The following CDH17 variants were observed in gnomAD, a reference collection of about 807,000 sequenced individuals.
CDH17 encodes the protein cadherin-17.
A neutral mutation model predicts 86.3 loss-of-function variants in CDH17; 67 were observed. That is an observed-to-expected ratio of 0.78 (90% confidence interval 0.64 to 0.95). The LOEUF is 0.95. Among genes scored for constraint, CDH17 ranks in the 40% least tolerant of loss-of-function variants. The pLI is 0.00. For synonymous variants in CDH17, 367 were observed against 366.4 expected (o/e 1.00, Z -0.02); for missense variants, 993 against 1,017.6 (o/e 0.98, Z 0.33).
intron 1 of CDH17, among the ~76,000 whole-genome samples, chr8:94,201,151 C>T (rs557670845): frequency 6.6e-6 from 1 of 152,128 alleles, no homozygotes; most frequent in Non-Finnish European, 1.5e-5. Flanking sequence ...ACATGACCTG[C>T]CCCGACCTGC....
intron 15 of CDH17, among the ~76,000 whole-genome samples, chr8:94,132,813 G>A (rs187809439): frequency 1.4e-4 from 22 of 152,314 alleles, no homozygotes; most frequent in African/African-American, 5.1e-4. Context: ...TAACATTTAA[G>A]TCTTTAATCC....
At chr8:94,169,732 G>A (rs1046066689) in intron 9 of CDH17, among the ~76,000 whole-genome samples, 3 of 152,160 alleles carry the variant, frequency 2.0e-5, no homozygotes, top group Non-Finnish European at 4.4e-5. Context: ...CAAACCCAGA[G>A]AAGCCATAAA....
intron 3 of CDH17, among the ~76,000 whole-genome samples, chr8:94,184,206 A>AGT (rs60426952): frequency 0.2 from 29,732 of 151,376 alleles, 5,949 homozygotes; most frequent in African/African-American, 0.52. Context: ...CCTGCTACTG[A>AGT]GTGTGTGTGT....
chr8:94,159,915 T>G (rs1029592210), intron 12 of CDH17, 56 bp downstream of exon 12: 8 of 1,383,836 alleles, frequency 5.8e-6, no homozygotes, highest in Middle Eastern at 2.1e-4. Flanking sequence ...CACACTGTCA[T>G]TAGTAAATTA....
intron 2 of CDH17, among the ~76,000 whole-genome samples, chr8:94,190,048 G>C (rs1813657402): frequency 6.6e-6 from 1 of 152,354 alleles, no homozygotes; most frequent in Admixed American, 6.5e-5. Flanking sequence ...ATGTGGCTGG[G>C]ATGGTAAGAA....
chr8:94,131,997 G>T (rs1312434460), intron 15 of CDH17, among the ~76,000 whole-genome samples: 2 of 152,142 alleles, frequency 1.3e-5, no homozygotes, highest in Non-Finnish European at 2.9e-5. Context: ...TCCCTGCAAA[G>T]GACATGGACT....
chr8:94,215,645 A>T (rs896726307), intron 1 of CDH17, among the ~76,000 whole-genome samples: 1 of 152,226 alleles, frequency 6.6e-6, no homozygotes, highest in Non-Finnish European at 1.5e-5. Flanking sequence ...GCTGTATGAT[A>T]TGTCAATTAT....
chr8:94,192,360 G>A (rs1813704928), intron 2 of CDH17, among the ~76,000 whole-genome samples: 1 of 152,222 alleles, frequency 6.6e-6, no homozygotes, highest in African/African-American at 2.4e-5. Context: ...CTTGCACAAA[G>A]AGGTGAAAGG....
chr8:94,174,035 T>C (rs1813321286), intron 6 of CDH17, 39 bp from the exon 7 acceptor site: 2 of 1,609,842 alleles, frequency 1.2e-6, no homozygotes, highest in Admixed American at 1.7e-5. Flanking sequence ...GAAGTGTCTC[T>C]GGAAGAGACA....
chr8:94,198,298 T>C (rs1460962244), intron 1 of CDH17, among the ~76,000 whole-genome samples: 1 of 152,188 alleles, frequency 6.6e-6, no homozygotes, highest in Non-Finnish European at 1.5e-5. Context: ...TGCAACATAA[T>C]TAATTTGGTT....
At chr8:94,209,514 C>G (rs754720185), upstream of CDH17, among the ~76,000 whole-genome samples, 6 of 152,136 alleles carry the variant, frequency 3.9e-5, no homozygotes, top group Non-Finnish European at 8.8e-5. Flanking sequence ...TCCCTCCTTT[C>G]CAGATTTCAT....
chr8:94,175,247 A>C (rs1340300946), intron 5 of CDH17, among the ~76,000 whole-genome samples: 1 of 152,214 alleles, frequency 6.6e-6, no homozygotes, highest in Admixed American at 6.5e-5. Flanking sequence ...TCCTGAAACC[A>C]AAAAGTTTGA....
Position 94,165,024 on chromosome 8 carries a change from C to T in CDH17, c.1282+737G>A, listed in dbSNP as rs1392857518. 2.0e-5 allele frequency among the ~76,000 whole-genome samples: 3 copies of T among 152,266 alleles called. 1 individual carries two copies. The highest frequency in any genetic ancestry group is 4.1e-4 in the South Asian group (2 of 4,826). ...GCTGTTAGGGTAAGATAGAACTTTC[C>T]GAAAGATGCTCTTCTCCTCCACTTT... On this transcript the variant is annotated intron_variant, in intron 10 of 17. Coordinates refer to ENST00000027335, the MANE Select transcript of CDH17 (RefSeq NM_004063.4).
rs1276723614 is a variant in CDH17, at chr8:94,189,256, A to G, written c.81T>C (p.Phe27=). 1.9e-6 allele frequency: 3 copies of G among 1,612,444 alleles called. No individual in the cohort carries two copies. Among genetic ancestry groups the G allele is most frequent in the Non-Finnish European group, 2.5e-6 (3 of 1,179,590 alleles). ...ATGTCATGGGTTTCAGGGGTCCACT[A>G]AACTTCCCCTCTTGGCCATATCCAG... ...LATGYGQEGK[F]SGPLKPMTFS... is the part of the protein sequence containing the mutation. Residue 27 remains phenylalanine, a synonymous_variant, in exon 3 of 18, where the codon TTT becomes TTC. Coordinates refer to ENST00000027335, the MANE Select transcript of CDH17 (RefSeq NM_004063.4).
chr8:94,187,854 C>T (rs1218430539), intron 3 of CDH17, among the ~76,000 whole-genome samples: 1 of 152,182 alleles, frequency 6.6e-6, no homozygotes, highest in Admixed American at 6.5e-5. Flanking sequence ...CAGCTCTCAA[C>T]ACATTCACTG....
chr8:94,155,254 C>T (rs1453963708), intron 12 of CDH17, among the ~76,000 whole-genome samples: 1 of 152,010 alleles, frequency 6.6e-6, no homozygotes, highest in East Asian at 1.9e-4. Flanking sequence ...GCTTCTCCCC[C>T]TGAAGTAGAG....
intron 5 of CDH17, 100 bp from the exon 6 acceptor site, chr8:94,174,360 T>C: frequency 8.6e-7 from 1 of 1,156,874 alleles, no homozygotes; most frequent in Non-Finnish European, 1.2e-6. Flanking sequence ...GGAGATATAA[T>C]AGGGAAAGGT....
intron 15 of CDH17, among the ~76,000 whole-genome samples, chr8:94,135,426 T>C (rs1452866444): frequency 6.6e-6 from 1 of 152,236 alleles, no homozygotes; most frequent in African/African-American, 2.4e-5. Flanking sequence ...CTCCTTTGTC[T>C]CTTTTCATCT....
chr8:94,144,450 C>A (rs1812699897), intron 15 of CDH17, among the ~76,000 whole-genome samples: 1 of 152,014 alleles, frequency 6.6e-6, no homozygotes, highest in Non-Finnish European at 1.5e-5. Flanking sequence ...CACAAACCTT[C>A]ATTTTATAAA....
Sources: allele counts gnomAD v4.1 joint callset (sites outside exome capture counted in the v4.1 genomes callset), GRCh38; gene constraint gnomAD v4.1.1; transcripts MANE v1.5; gene names NCBI Gene and HGNC (gene_info 2026-07-23, HGNC 2026-07-21).